Variants in SPATA31H1 observed in about 807,000 individuals in gnomAD.
The protein encoded by SPATA31H1 is spermatogenesis-associated protein 31H1.
At chr2:27,539,228 T>C in the SPATA31H1 span, among the ~76,000 whole-genome samples, 38 of 149,784 alleles carry the variant, frequency 2.5e-4, no homozygotes, top group Admixed American at 2.3e-3. Flanking sequence ...CAAAGGTCTC[T>C]GGTTTTCCTA....
the SPATA31H1 span, among the ~76,000 whole-genome samples, chr2:27,559,091 G>A: frequency 6.6e-6 from 1 of 152,156 alleles, no homozygotes; most frequent in Non-Finnish European, 1.5e-5. Flanking sequence ...AGTAAGCATG[G>A]CAATTTTTTA....
the SPATA31H1 span, chr2:27,579,527 C>T: frequency 1.2e-6 from 2 of 1,614,164 alleles, no homozygotes; most frequent in Non-Finnish European, 1.7e-6. Flanking sequence ...CCACATCTTC[C>T]ATAATACAGC....
At chr2:27,566,156 A>G in the SPATA31H1 span, 1 of 717,070 alleles carries the variant, frequency 1.4e-6, no homozygotes, top group South Asian at 1.5e-5. Flanking sequence ...AGTTAGACGT[A>G]AAGTACCTGG....
At chr2:27,565,924 T>C in the SPATA31H1 span, 4 of 680,288 alleles carry the variant, frequency 5.9e-6, no homozygotes, top group South Asian at 5.0e-5. Context: ...ACTAATTAGC[T>C]TTATGATCTT....
the SPATA31H1 span, among the ~76,000 whole-genome samples, chr2:27,553,308 T>C: frequency 6.6e-6 from 1 of 152,080 alleles, no homozygotes. Context: ...TCCCAAATTG[T>C]AAAATTCAAG....
At chr2:27,550,751 C>A in the SPATA31H1 span, among the ~76,000 whole-genome samples, 1 of 151,710 alleles carries the variant, frequency 6.6e-6, no homozygotes, top group Non-Finnish European at 1.5e-5. Context: ...ATTTTCATGT[C>A]TCTATGTGAG....
chr2:27,576,666 G>T, the SPATA31H1 span: 4 of 1,613,952 alleles, frequency 2.5e-6, no homozygotes, highest in Non-Finnish European at 3.4e-6. Flanking sequence ...GTTGGTACCA[G>T]AGCCAACTAG....
chr2:27,579,399 C>T, the SPATA31H1 span: 19 of 1,614,012 alleles, frequency 1.2e-5, no homozygotes, highest in Non-Finnish European at 1.6e-5. Flanking sequence ...CCAGAGCCTG[C>T]CAGAGAAGGG....
chr2:27,581,706 A>G, the SPATA31H1 span: 63 of 1,613,120 alleles, frequency 3.9e-5, no homozygotes, highest in Middle Eastern at 8.3e-4. Flanking sequence ...AAGACATCAC[A>G]GTCCCTCTAA....
chr2:27,544,436 C>A, the SPATA31H1 span, among the ~76,000 whole-genome samples: 1 of 151,890 alleles, frequency 6.6e-6, no homozygotes, highest in South Asian at 2.1e-4. Context: ...GTTCTTGAAC[C>A]TTGCAAAAAG....
At chr2:27,547,177 CTTT>C in the SPATA31H1 span, among the ~76,000 whole-genome samples, 4 of 137,858 alleles carry the variant, frequency 2.9e-5, no homozygotes, top group Non-Finnish European at 4.8e-5. Context: ...CAACTTTGAT[CTTT>C]TTTTTTTTTT....
At chr2:27,576,579 C>A in the SPATA31H1 span, 1 of 1,569,322 alleles carries the variant, frequency 6.4e-7, no homozygotes, top group South Asian at 1.2e-5. Context: ...ACCTATGGAG[C>A]TGACACCAGG....
the SPATA31H1 span, among the ~76,000 whole-genome samples, chr2:27,546,460 G>A: frequency 3.3e-5 from 5 of 151,970 alleles, no homozygotes; most frequent in African/African-American, 1.2e-4. Context: ...AAAAATGAGT[G>A]AGGTACTCAC....
chr2:27,543,821 T>G, the SPATA31H1 span, among the ~76,000 whole-genome samples: 3 of 151,958 alleles, frequency 2.0e-5, no homozygotes, highest in Non-Finnish European at 4.4e-5. Context: ...AAGGTTCTCC[T>G]ACCCAGTGCA....
chr2:27,564,802 CA>C, the SPATA31H1 span, among the ~76,000 whole-genome samples: 40 of 141,058 alleles, frequency 2.8e-4, no homozygotes, highest in Admixed American at 5.0e-4. Context: ...GACTCCATCT[CA>C]AAAAAAAAAA....
the SPATA31H1 span, among the ~76,000 whole-genome samples, chr2:27,548,614 A>G: frequency 2.0e-5 from 3 of 151,476 alleles, no homozygotes; most frequent in Non-Finnish European, 4.4e-5. Context: ...TTTCAAAAAA[A>G]AAAAAAAAAT....
the SPATA31H1 span, chr2:27,582,012 C>T: frequency 7.3e-5 from 118 of 1,613,724 alleles, no homozygotes; most frequent in Non-Finnish European, 5.6e-5. Context: ...GGAGAGGAGC[C>T]GTCACAGTCT....
the SPATA31H1 span, chr2:27,581,500 A>G: frequency 6.3e-7 from 1 of 1,581,544 alleles, no homozygotes; most frequent in Non-Finnish European, 8.7e-7. Context: ...GGTCCCTCTC[A>G]GAGAAGACAT....
chr2:27,579,756 G>A, the SPATA31H1 span: 1 of 1,614,182 alleles, frequency 6.2e-7, no homozygotes, highest in Non-Finnish European at 8.5e-7. Flanking sequence ...AAGGATTTCT[G>A]AGTCCCAACA....
Sources: allele counts gnomAD v4.1 joint callset (sites outside exome capture counted in the v4.1 genomes callset), GRCh38; gene constraint gnomAD v4.1.1; transcripts MANE v1.5; gene names NCBI Gene and HGNC (gene_info 2026-07-23, HGNC 2026-07-21).